Variants in NEGR1 observed in about 807,000 individuals in gnomAD.
The protein encoded by NEGR1 is IgLON family member 4.
In NEGR1, 10 loss-of-function variants were observed where a neutral mutation model predicts 40.9. The ratio of observed to expected loss-of-function variants is 0.24; its 90% CI spans 0.15 to 0.42. The LOEUF is 0.42. Ranked by LOEUF, NEGR1 falls within the 10% of genes least tolerant of loss-of-function variation. The pLI is 1.00. For synonymous variants in NEGR1, 185 were observed against 166.8 expected (o/e 1.11, Z -0.84); for missense variants, 352 against 438.9 (o/e 0.80, Z 1.77).
intron 1 of NEGR1, among the ~76,000 whole-genome samples, chr1:71,964,183 C>T (rs974026782): frequency 1.7e-4 from 26 of 152,280 alleles, no homozygotes; most frequent in African/African-American, 3.6e-4. Flanking sequence ...ATGACCACAT[C>T]GCCCATGCCA....
rs115245968 is a variant in NEGR1 at position 71,595,599 on chromosome 1, A to C, written c.789-2631T>G. Among the ~76,000 whole-genome samples the C allele has an allele frequency of 7.8e-3, 1,186 of 152,310 alleles. 28 individuals are homozygous for C. Among genetic ancestry groups the C allele is most frequent in the African/African-American group, 0.027 (1,139 of 41,562 alleles). Reference sequence around the variant, plus strand: ...CAAATCAATTCTGAAAATATTCATTAAATTGCTACAAAGATGAGCTCTATG... The same window carrying C: ...CAAATCAATTCTGAAAATATTCATTCAATTGCTACAAAGATGAGCTCTATG... On this transcript the variant is annotated intron_variant, in intron 5 of 6. Transcript: ENST00000357731.
At chr1:71,491,479 A>T (rs1323742330) in intron 6 of NEGR1, among the ~76,000 whole-genome samples, 1 of 152,030 alleles carries the variant, frequency 6.6e-6, no homozygotes, top group Non-Finnish European at 1.5e-5. Flanking sequence ...AATGGAAGTG[A>T]CTACAAGCAA....
At chr1:71,744,926 C>A (rs909405584) in intron 3 of NEGR1, among the ~76,000 whole-genome samples, 71 of 152,200 alleles carry the variant, frequency 4.7e-4, no homozygotes, top group African/African-American at 1.6e-3. Flanking sequence ...AATTATGTGG[C>A]AGAAGAAAAC....
rs1652878450 is a variant in NEGR1, at chr1:72,193,140, ATAAT to A, written c.176+89175_176+89178del. On this transcript the variant is annotated intron_variant, in intron 1 of 6. Coordinates refer to ENST00000357731, the MANE Select transcript of NEGR1 (RefSeq NM_173808.3). The stretch of plus-strand genomic sequence containing the variant: ...TCCATAAGACAATAGAAAAATCAAT[ATAAT>A]TAATATTTGTCAGATTTTGCAGATG... 1.3e-5 allele frequency among the ~76,000 whole-genome samples: 2 copies of A among 151,792 alleles called. 1 individual carries two copies. The highest frequency in any genetic ancestry group is 4.8e-5 in the African/African-American group (2 of 41,428).
At chr1:71,657,014 A>G (rs1651900862) in intron 4 of NEGR1, among the ~76,000 whole-genome samples, 1 of 152,206 alleles carries the variant, frequency 6.6e-6, no homozygotes, top group African/African-American at 2.4e-5. Context: ...AATAGCCAGG[A>G]TTTGTCACAT....
intron 6 of NEGR1, among the ~76,000 whole-genome samples, chr1:71,585,688 C>CTTTT (rs563536438): frequency 1.1e-4 from 12 of 112,552 alleles, no homozygotes; most frequent in African/African-American, 1.3e-4. Flanking sequence ...ACCTCTCCAT[C>CTTTT]TTTTTTTTTT....
At chr1:71,727,342 C>A (rs1363056518) in intron 3 of NEGR1, among the ~76,000 whole-genome samples, 4 of 151,956 alleles carry the variant, frequency 2.6e-5, no homozygotes, top group African/African-American at 9.7e-5. Context: ...AATTAAACAT[C>A]AATAAAATAA....
intron 1 of NEGR1, among the ~76,000 whole-genome samples, chr1:72,069,853 C>A (rs12024008): frequency 0.078 from 11,861 of 152,124 alleles, 627 homozygotes; most frequent in East Asian, 0.28. Flanking sequence ...GCATTATATG[C>A]AATTCCTGTT....
intron 1 of NEGR1, among the ~76,000 whole-genome samples, chr1:72,030,120 C>G (rs537105967): frequency 6.6e-6 from 1 of 151,790 alleles, no homozygotes; most frequent in Admixed American, 6.6e-5. Flanking sequence ...AACCAATGTT[C>G]TCTGGTGCTC....
At chr1:72,057,626 A>T (rs538466527) in intron 1 of NEGR1, among the ~76,000 whole-genome samples, 3 of 151,608 alleles carry the variant, frequency 2.0e-5, no homozygotes, top group Non-Finnish European at 3.0e-5. Context: ...CAGCCCCTCA[A>T]CACACACTGT....
chr1:71,471,164 A>T (rs1042974023), intron 6 of NEGR1, among the ~76,000 whole-genome samples: 3 of 152,140 alleles, frequency 2.0e-5, no homozygotes, highest in Non-Finnish European at 4.4e-5. Context: ...TAACGTAAGA[A>T]GACTCTTGCA....
chr1:71,530,643 T>C (rs1428362730), intron 6 of NEGR1, among the ~76,000 whole-genome samples: 1 of 151,382 alleles, frequency 6.6e-6, no homozygotes, highest in African/African-American at 2.4e-5. Context: ...TTATATTATC[T>C]TTTTTTAAAG....
chr1:72,034,312 T>G (rs776100759), intron 1 of NEGR1, among the ~76,000 whole-genome samples: 5 of 152,210 alleles, frequency 3.3e-5, no homozygotes, highest in African/African-American at 4.8e-5. Flanking sequence ...GGGGTTCCAT[T>G]GTGCATGCAG....
intron 1 of NEGR1, among the ~76,000 whole-genome samples, chr1:71,941,789 T>G (rs1199341146): frequency 6.6e-6 from 1 of 152,174 alleles, no homozygotes; most frequent in Non-Finnish European, 1.5e-5. Flanking sequence ...AAGCATGTTA[T>G]GTATATTTTT....
rs145219439 is a variant in NEGR1, at chr1:71,898,190, T to C, written c.409+36889A>G. On this transcript the variant is annotated intron_variant, in intron 2 of 6. Transcript: ENST00000357731. ...GTCAGTCTGGTAGGTATTTAAAATT[T>C]CCGTCATTGAGGAAGCTAATACATT... 5.2e-3 allele frequency among the ~76,000 whole-genome samples: 794 copies of C among 152,364 alleles called. 6 individuals are homozygous for C. Among genetic ancestry groups the C allele is most frequent in the South Asian group, 0.022 (108 of 4,834 alleles).
intron 3 of NEGR1, among the ~76,000 whole-genome samples, chr1:71,759,779 T>C (rs1333011552): frequency 1.3e-5 from 2 of 151,544 alleles, no homozygotes; most frequent in Non-Finnish European, 2.9e-5. Context: ...CTGGCTACTT[T>C]TTGTATTTTT....
intron 1 of NEGR1, among the ~76,000 whole-genome samples, chr1:72,220,095 G>A (rs1443876335): frequency 2.0e-5 from 3 of 151,834 alleles, no homozygotes; most frequent in Admixed American, 2.0e-4. Flanking sequence ...CCTACTGATT[G>A]ATTTTACTAA....
At chr1:71,592,096 A>G (rs1189080709) in intron 6 of NEGR1, among the ~76,000 whole-genome samples, 1 of 152,094 alleles carries the variant, frequency 6.6e-6, no homozygotes, top group Non-Finnish European at 1.5e-5. Flanking sequence ...TTTCAAAATT[A>G]AGAATATTTT....
chr1:71,868,287 T>G (rs1236857452), intron 2 of NEGR1, among the ~76,000 whole-genome samples: 2 of 152,140 alleles, frequency 1.3e-5, no homozygotes, highest in African/African-American at 4.8e-5. Flanking sequence ...AAAATCCCAC[T>G]AAATCTCAAT....
Sources: allele counts gnomAD v4.1 joint callset (sites outside exome capture counted in the v4.1 genomes callset), GRCh38; gene constraint gnomAD v4.1.1; transcripts MANE v1.5; gene names NCBI Gene and HGNC (gene_info 2026-07-23, HGNC 2026-07-21).